Variants in SPDYE5 observed in about 807,000 individuals in gnomAD.
SPDYE5 encodes the protein speedy/RINGO cell cycle regulator family member E5, also known as speedy protein E5.
A neutral mutation model predicts 48.5 loss-of-function variants in SPDYE5; 15 were observed. The ratio of observed to expected loss-of-function variants is 0.31; its 90% CI spans 0.21 to 0.48. The LOEUF (loss-of-function observed/expected upper bound fraction) is 0.48, where lower values mean the gene tolerates loss of function less well. Among genes scored for constraint, SPDYE5 ranks in the 20% least tolerant of loss-of-function variants. SPDYE5 has a pLI of 0.99. For missense variants in SPDYE5, 331 were observed against 549.1 expected, an observed-to-expected ratio of 0.60 and a Z score of 3.97; for synonymous variants, 116 against 200.7, an observed-to-expected ratio of 0.58 and a Z score of 3.57.
chr7:75,502,039 G>A lies in SPDYE5; in HGVS notation c.*45+57G>A, dbSNP rs1175795324. 300 of 1,527,762 alleles carry A rather than the reference G, an allele frequency of 2.0e-4. 2 individuals are homozygous for A. Among genetic ancestry groups the A allele is most frequent in the Admixed American group, 5.2e-4 (27 of 51,964 alleles). 94.6% of individuals were successfully genotyped at this position (1,527,762 alleles called of 1,614,324 possible). ...ATATTGGGGTCTATTTCGGAAATCC[G>A]AAGAACCCAATTGCTTGATCCGGCT... On this transcript the variant is annotated intron_variant, in intron 8 of 8. Coordinates refer to ENST00000625065, the MANE Select transcript of SPDYE5 (RefSeq NM_001306141.4).
At chr7:75,502,806 G>T in intron 8 of SPDYE5, 27 bp from the exon 9 acceptor site, 1 of 996,766 alleles carries the variant, frequency 1.0e-6, no homozygotes, top group South Asian at 1.6e-5. Context: ...CCTCCTTGAA[G>T]TGTGACATTG....
At position 75,501,693 on chromosome 7, in the gene SPDYE5, C is replaced by T. The variant is rs377760984; in HGVS notation, c.1087C>T (p.Arg363Trp). ...RSQIVLFQKR[R>W]FQFFCSMSGR... ...TCAGATAGTCCTGTTCCAGAAACGT[C>T]GGTTCCAGTTCTTCTGTTCCATGAG... Residue 363 changes from arginine to tryptophan, a missense_variant, in exon 7 of 9, where the codon CGG becomes TGG. Physicochemically the swap from Arg to Trp is moderately radical, Grantham distance 101. Coordinates refer to ENST00000625065, the MANE Select transcript of SPDYE5 (RefSeq NM_001306141.4). 5.2e-5 allele frequency: 84 copies of T among 1,605,618 alleles called. No individual in the cohort carries two copies. The East Asian group carries it at 9.4e-4, about 18-fold the overall frequency.
Position 75,501,690 on chromosome 7 carries a change from C to T in SPDYE5, c.1084C>T (p.Arg362Cys), listed in dbSNP as rs782512412. ...NRSQIVLFQK[R>C]RFQFFCSMSG... ...CTCTCAGATAGTCCTGTTCCAGAAA[C>T]GTCGGTTCCAGTTCTTCTGTTCCAT... Residue 362 changes from arginine to cysteine, a missense_variant, in exon 7 of 9, where the codon CGT (arginine) becomes TGT (cysteine). This residue lies in a region of SPDYE5 where 101 missense variants were observed against 104.0 expected (regional missense o/e 0.97). Coordinates refer to ENST00000625065, the MANE Select transcript of SPDYE5 (RefSeq NM_001306141.4). The T allele has an allele frequency of 2.7e-5, 43 of 1,613,126 alleles. No individual in the cohort carries two copies. Among genetic ancestry groups the T allele is most frequent in the Non-Finnish European group, 3.3e-5 (39 of 1,179,974 alleles).
rs1311626757 is a variant in SPDYE5 at position 75,494,176 on chromosome 7, G to A, written c.129G>A (p.Glu43=). 25 of 1,534,934 alleles carry A rather than the reference G, an allele frequency of 1.6e-5. 1 individual carries two copies. Among genetic ancestry groups the A allele is most frequent in the Non-Finnish European group, 2.1e-5 (24 of 1,146,686 alleles). Residue 43 remains glutamate (E), a synonymous_variant, in exon 2 of 9, where the codon GAG becomes GAA. Coordinates refer to ENST00000625065, the MANE Select transcript of SPDYE5 (RefSeq NM_001306141.4). ...QRSTSGYPLQ[E]VVDDEVLGPS... is the part of the protein sequence containing the mutation. The stretch of plus-strand genomic sequence containing the variant: ...GCACCTCGGGGTACCCCCTCCAGGA[G>A]GTGGTGGATGATGAAGTGTTGGGAC...
chr7:75,492,223 A>T, upstream of SPDYE5, among the ~76,000 whole-genome samples: 1 of 152,160 alleles, frequency 6.6e-6, no homozygotes, highest in African/African-American at 2.4e-5. Flanking sequence ...ACTAGGAGAG[A>T]GAGAGCAAAC....
In SPDYE5 at chr7:75,494,108, A is replaced by G. The variant is rs1298439474; in HGVS notation, c.61A>G (p.Ser21Gly). 4 of 1,535,242 alleles carry G rather than the reference A, an allele frequency of 2.6e-6. No homozygotes were observed. The highest frequency in any genetic ancestry group is 3.5e-6 in the Non-Finnish European group (4 of 1,146,840). ...RGQITEKITT[S>G]RQPQPQNEQS... is the part of the protein sequence containing the mutation. Reference sequence around the variant, plus strand: ...ACAGATTACGGAAAAGATCACGACCAGCCGTCAACCGCAACCCCAGAATGA... The same window carrying G: ...ACAGATTACGGAAAAGATCACGACCGGCCGTCAACCGCAACCCCAGAATGA... The change falls in exon 2 of 9, where the codon AGC (serine) becomes GGC (glycine). Residue 21 changes from serine to glycine, a missense_variant. Transcript: ENST00000625065.
chr7:75,502,177 C>T (rs1455959045), intron 8 of SPDYE5, among the ~76,000 whole-genome samples, 195 bp downstream of exon 8: 6 of 151,334 alleles, frequency 4.0e-5, no homozygotes, highest in South Asian at 2.1e-4. Context: ...GCGGGAGGAT[C>T]GCTGGAGCCT....
chr7:75,495,861 G>A (rs1394788106), intron 3 of SPDYE5, among the ~76,000 whole-genome samples: 1 of 151,994 alleles, frequency 6.6e-6, no homozygotes, highest in African/African-American at 2.4e-5. Flanking sequence ...CCAATATAGC[G>A]AAACCTCATT....
intron 2 of SPDYE5, 139 bp downstream of exon 2, chr7:75,494,346 G>T (rs1461445099): frequency 1.4e-5 from 18 of 1,300,366 alleles, no homozygotes; most frequent in Admixed American, 5.4e-5. Flanking sequence ...AGGAGTTCAA[G>T]GCCAGCCTGG....
At position 75,494,213 on chromosome 7, in the gene SPDYE5, G is replaced by C; in HGVS notation, c.160+6G>C. 2 of 1,534,672 alleles carry C rather than the reference G, an allele frequency of 1.3e-6. No individual in the cohort carries two copies. Among genetic ancestry groups the C allele is most frequent in the Non-Finnish European group, 1.7e-6 (2 of 1,146,526 alleles). ...TGAAGTGTTGGGACCATCAGGTGAG[G>C]GGACTGGTGGAAGAAGAGGTGGGAT... On this transcript the variant is annotated splice_donor_region_variant and intron_variant, in intron 2 of 8. Transcript: ENST00000625065.
At position 75,493,992 on chromosome 7, in the gene SPDYE5, G is replaced by C. The variant is rs1161664744; in HGVS notation, c.-56G>C. The C allele has an allele frequency of 2.0e-6, 3 of 1,509,330 alleles. No homozygotes were observed. Among genetic ancestry groups the C allele is most frequent in the African/African-American group, 2.9e-5 (2 of 69,650 alleles). 93.5% of individuals were successfully genotyped at this position (1,509,330 alleles called of 1,614,324 possible). ...TGTTCTCCACTCCTGACTTCTCCTAGGCTTGAGAATTGATAACATACTCTT... is the reference window on the plus strand; with the variant it reads ...TGTTCTCCACTCCTGACTTCTCCTACGCTTGAGAATTGATAACATACTCTT... On this transcript the variant is annotated 5_prime_UTR_variant, in exon 2 of 9. Transcript: ENST00000625065.
chr7:75,492,668 A>G (rs1792778244), intron 1 of SPDYE5, among the ~76,000 whole-genome samples: 1 of 152,094 alleles, frequency 6.6e-6, no homozygotes, highest in Non-Finnish European at 1.5e-5. Flanking sequence ...CAAACTCCTG[A>G]CGTCAAGTGA....
intron 2 of SPDYE5, among the ~76,000 whole-genome samples, 194 bp downstream of exon 2, chr7:75,494,401 C>A (rs1388722036): frequency 6.6e-6 from 1 of 150,694 alleles, no homozygotes; most frequent in South Asian, 2.1e-4. Flanking sequence ...TAAAAATTAG[C>A]CAAGTGGTAG....
At chr7:75,497,131 G>A (rs1554482713) in intron 4 of SPDYE5, among the ~76,000 whole-genome samples, 2 of 152,192 alleles carry the variant, frequency 1.3e-5, no homozygotes, top group Admixed American at 1.3e-4. Context: ...TTCGGGCCAG[G>A]TGCAGTGGCT....
At chr7:75,500,000 G>A (rs1372515658) in intron 6 of SPDYE5, among the ~76,000 whole-genome samples, 17 of 128,742 alleles carry the variant, frequency 1.3e-4, no homozygotes, top group Non-Finnish European at 2.5e-4. Flanking sequence ...CATGACAGAG[G>A]CCACAGTTCA....
At position 75,494,118 on chromosome 7, in the gene SPDYE5, C is replaced by T. The variant is rs144522241; in HGVS notation, c.71C>T (p.Pro24Leu). Residue 24 changes from proline to leucine, a missense_variant, in exon 2 of 9, where the codon CCG (proline) becomes CTG (leucine). This residue lies in a region of SPDYE5 where 67 missense variants were observed against 55.7 expected (regional missense o/e 1.20). Transcript: ENST00000625065. ...ITEKITTSRQPQPQNEQSPQR... is the reference protein window; with the variant it reads ...ITEKITTSRQLQPQNEQSPQR... ...GAAAAGATCACGACCAGCCGTCAAC[C>T]GCAACCCCAGAATGAGCAGAGTCCC... The T allele has an allele frequency of 2.3e-4, 360 of 1,535,378 alleles. 1 individual carries two copies. The East Asian group carries it at 5.9e-3, about 25-fold the overall frequency.
In SPDYE5 at chr7:75,493,938, T is replaced by A; in HGVS notation, c.-110T>A. On this transcript the variant is annotated 5_prime_UTR_variant, in exon 2 of 9. Coordinates refer to ENST00000625065, the MANE Select transcript of SPDYE5 (RefSeq NM_001306141.4). ...GACCGGACTCCGTGGTGCCTGGAGA[T>A]CAGTTGGACAACAGTATCTTCTCAG... 1 of 1,494,256 alleles carries A rather than the reference T, an allele frequency of 6.7e-7. No individual in the cohort carries two copies. The highest frequency in any genetic ancestry group is 8.9e-7 in the Non-Finnish European group (1 of 1,124,062). The allele number at this position is 1,494,256 out of a possible 1,614,324, so 92.6% of individuals were successfully genotyped here.
chr7:75,496,945 T>C (rs1792955738), intron 4 of SPDYE5, 41 bp downstream of exon 4: 4 of 1,124,710 alleles, frequency 3.6e-6, no homozygotes, highest in Non-Finnish European at 5.0e-6. Flanking sequence ...TCCTGTTCTT[T>C]CCAAAAACAG....
At chr7:75,502,408 G>A (rs587652085) in intron 8 of SPDYE5, among the ~76,000 whole-genome samples, 4 of 152,274 alleles carry the variant, frequency 2.6e-5, no homozygotes, top group Admixed American at 6.5e-5. Flanking sequence ...ACTTCATCAT[G>A]AGGAGGTAGG....
Sources: allele counts gnomAD v4.1 joint callset (sites outside exome capture counted in the v4.1 genomes callset), GRCh38; gene constraint gnomAD v4.1.1; regional missense constraint gnomAD v4.1.1; transcripts MANE v1.5; gene names NCBI Gene and HGNC (gene_info 2026-07-23, HGNC 2026-07-21).